The following CADPS variants were observed in gnomAD, a reference collection of about 807,000 sequenced individuals.
The protein encoded by CADPS is calcium dependent secretion activator, also known as calcium-dependent secretion activator 1.
In CADPS, 57 loss-of-function variants were observed where a neutral mutation model predicts 167.3. The observed-to-expected ratio is 0.34, with a 90% CI of 0.28 to 0.42. CADPS has a LOEUF of 0.42. Among genes scored for constraint, CADPS ranks in the 20% least tolerant of loss-of-function variants. The pLI is 1.00. For missense variants in CADPS, 1,414 were observed against 1,738.1 expected, an observed-to-expected ratio of 0.81 and a Z score of 3.32; for synonymous variants, 676 against 635.3, an observed-to-expected ratio of 1.06 and a Z score of -0.96.
At chr3:62,516,546 A>G (rs1303595476) in intron 15 of CADPS, 34 bp downstream of exon 15, 2 of 1,456,934 alleles carry the variant, frequency 1.4e-6, no homozygotes, top group African/African-American at 1.4e-5. Context: ...GTCTTTTTAT[A>G]TATATGTGAT....
intron 3 of CADPS, among the ~76,000 whole-genome samples, chr3:62,710,268 C>T (rs548961349): frequency 1.5e-4 from 22 of 151,680 alleles, no homozygotes; most frequent in African/African-American, 5.3e-4. Context: ...GCACGCTGGC[C>T]TCAACTGGGG....
At chr3:62,571,088 T>C in intron 8 of CADPS, 150 bp from the exon 9 acceptor site, 1 of 647,126 alleles carries the variant, frequency 1.5e-6, no homozygotes, top group Non-Finnish European at 2.8e-6. Flanking sequence ...TGGTTGAGCA[T>C]AAACAACAGC....
At chr3:62,530,699 T>C (rs2073449852) in intron 13 of CADPS, 1 of 1,289,116 alleles carries the variant, frequency 7.8e-7, no homozygotes, top group African/African-American at 1.5e-5. Context: ...TTTTCTTTTT[T>C]TGGATTCCTT....
chr3:62,615,323 G>C (rs2062087804), intron 6 of CADPS, among the ~76,000 whole-genome samples: 1 of 152,144 alleles, frequency 6.6e-6, no homozygotes. Flanking sequence ...TATTGGAATG[G>C]CAGCTTTGAA....
At chr3:62,583,600 C>T (rs1049371232) in intron 8 of CADPS, among the ~76,000 whole-genome samples, 4 of 152,166 alleles carry the variant, frequency 2.6e-5, no homozygotes, top group Non-Finnish European at 5.9e-5. Context: ...CCAGCTCAGG[C>T]TTGGCATAAT....
intron 3 of CADPS, among the ~76,000 whole-genome samples, chr3:62,745,984 G>A (rs1382179256): frequency 1.3e-5 from 2 of 152,164 alleles, no homozygotes; most frequent in Middle Eastern, 3.2e-3. Context: ...ATTGTTTCAG[G>A]AAGGAAAACA....
chr3:62,687,624 G>A (rs539883553), intron 3 of CADPS, among the ~76,000 whole-genome samples: 2 of 151,916 alleles, frequency 1.3e-5, no homozygotes, highest in African/African-American at 2.4e-5. Flanking sequence ...TGATTATCAT[G>A]AGTACTTTTT....
At chr3:62,591,470 C>G (rs764574581) in intron 7 of CADPS, among the ~76,000 whole-genome samples, 2 of 152,012 alleles carry the variant, frequency 1.3e-5, no homozygotes, top group Non-Finnish European at 2.9e-5. Flanking sequence ...GATAGAAAGT[C>G]CCCTGAGGAG....
intron 12 of CADPS, among the ~76,000 whole-genome samples, chr3:62,533,320 T>G (rs552019080): frequency 6.6e-6 from 1 of 152,160 alleles, no homozygotes; most frequent in East Asian, 1.9e-4. Context: ...TAGTGAGTGA[T>G]GGAGGGGGAT....
At chr3:62,444,781 C>G (rs1035898409) in intron 27 of CADPS, among the ~76,000 whole-genome samples, 9 of 151,144 alleles carry the variant, frequency 6.0e-5, no homozygotes, top group African/African-American at 2.2e-4. Context: ...ACTTAGCTTC[C>G]TGGGGAAATG....
intron 6 of CADPS, among the ~76,000 whole-genome samples, chr3:62,642,026 C>G (rs186148373): frequency 1.0e-3 from 155 of 150,680 alleles, no homozygotes; most frequent in Non-Finnish European, 1.3e-3. Flanking sequence ...TGTGTAATGT[C>G]AATTCAATAC....
chr3:62,529,716 A>T (rs1364959054), intron 13 of CADPS, among the ~76,000 whole-genome samples: 2 of 152,214 alleles, frequency 1.3e-5, no homozygotes, highest in African/African-American at 4.8e-5. Context: ...AGAAAGCAAA[A>T]GTTTGCATTT....
At chr3:62,638,477 G>GT (rs1347769609) in intron 6 of CADPS, among the ~76,000 whole-genome samples, 1 of 152,108 alleles carries the variant, frequency 6.6e-6, no homozygotes, top group African/African-American at 2.4e-5. Flanking sequence ...TACTCCAGAT[G>GT]TAAGTGGCAA....
chr3:62,857,958 A>G (rs1369356415), intron 1 of CADPS, among the ~76,000 whole-genome samples: 1 of 152,148 alleles, frequency 6.6e-6, no homozygotes, highest in Non-Finnish European at 1.5e-5. Context: ...GGGAGTTAGG[A>G]AGAAATAAGA....
At chr3:62,711,513 T>G (rs1009687710) in intron 3 of CADPS, among the ~76,000 whole-genome samples, 1 of 152,240 alleles carries the variant, frequency 6.6e-6, no homozygotes. Context: ...ATTCTTTGTG[T>G]AAGATAGTTT....
chr3:62,408,635 G>C (rs2048352847), intron 28 of CADPS, among the ~76,000 whole-genome samples: 1 of 152,162 alleles, frequency 6.6e-6, no homozygotes, highest in South Asian at 2.1e-4. Context: ...TATGTCTTCT[G>C]TCATGATAGC....
At chr3:62,720,292 C>A (rs2075501835) in intron 3 of CADPS, among the ~76,000 whole-genome samples, 1 of 151,242 alleles carries the variant, frequency 6.6e-6, no homozygotes, top group African/African-American at 2.4e-5. Context: ...CACAAGAATG[C>A]AGGAATGGTA....
At chr3:62,819,670 A>G (rs1188788350) in intron 1 of CADPS, among the ~76,000 whole-genome samples, 1 of 152,126 alleles carries the variant, frequency 6.6e-6, no homozygotes, top group African/African-American at 2.4e-5. Flanking sequence ...AGACTATGTA[A>G]CTAAGGTCAG....
intron 11 of CADPS, among the ~76,000 whole-genome samples, chr3:62,537,082 T>A (rs2152046799): frequency 6.6e-6 from 1 of 152,288 alleles, no homozygotes; most frequent in South Asian, 2.1e-4. Context: ...AAATCCCCAT[T>A]GCCAATTTGG....
Sources: gnomAD v4.1 joint callset for allele counts (sites outside exome capture counted in the v4.1 genomes callset) on GRCh38, gnomAD v4.1.1 for gene constraint, MANE v1.5 for transcripts, NCBI Gene and HGNC (gene_info 2026-07-23, HGNC 2026-07-21) for gene names.